Variants in DOK6 observed in about 807,000 individuals in gnomAD.
DOK6 encodes the protein downstream of tyrosine kinase 6.
DOK6 carries 22 observed loss-of-function variants against 44.0 expected under a neutral mutation model. The ratio of observed to expected loss-of-function variants is 0.50; its 90% CI spans 0.36 to 0.71. The LOEUF is 0.71. DOK6 is among the 30% of genes least tolerant of loss of function. The pLI is 0.00. For missense variants in DOK6, 340 were observed against 416.4 expected, an observed-to-expected ratio of 0.82 and a Z score of 1.60; for synonymous variants, 166 against 145.5, an observed-to-expected ratio of 1.14 and a Z score of -1.01.
intron 5 of DOK6, among the ~76,000 whole-genome samples, chr18:69,713,306 G>T (rs1010222518): frequency 2.0e-5 from 3 of 152,198 alleles, no homozygotes; most frequent in African/African-American, 7.2e-5. Context: ...TTAGAAGTAT[G>T]CAGGTAGCTA....
At chr18:69,503,897 G>A (rs923733630) in intron 1 of DOK6, among the ~76,000 whole-genome samples, 1 of 151,956 alleles carries the variant, frequency 6.6e-6, no homozygotes, top group Non-Finnish European at 1.5e-5. Context: ...ATATTCGTAG[G>A]TCTCAAACAT....
intron 7 of DOK6, among the ~76,000 whole-genome samples, chr18:69,792,508 T>C (rs1326432311): frequency 1.3e-5 from 2 of 152,120 alleles, no homozygotes; most frequent in Non-Finnish European, 1.5e-5. Flanking sequence ...CAAATAGAAA[T>C]GCTACTGCTT....
At chr18:69,639,045 G>A (rs1984878515) in intron 3 of DOK6, among the ~76,000 whole-genome samples, 1 of 152,116 alleles carries the variant, frequency 6.6e-6, no homozygotes, top group South Asian at 2.1e-4. Context: ...CTGGTAAATG[G>A]AATTGGGACA....
At chr18:69,733,185 C>T (rs996102794) in intron 5 of DOK6, among the ~76,000 whole-genome samples, 5 of 137,796 alleles carry the variant, frequency 3.6e-5, no homozygotes. Flanking sequence ...GAGACCTTGT[C>T]TCTATGAAAA....
chr18:69,474,765 G>A (rs899901224), intron 1 of DOK6, among the ~76,000 whole-genome samples: 6 of 152,120 alleles, frequency 3.9e-5, no homozygotes, highest in Admixed American at 2.6e-4. Flanking sequence ...TGTATTCAGA[G>A]CTAGAATAAT....
At chr18:69,437,226 TTGCCCA>T (rs1979004788) in intron 1 of DOK6, among the ~76,000 whole-genome samples, 1 of 152,240 alleles carries the variant, frequency 6.6e-6, no homozygotes, top group Admixed American at 6.5e-5. Flanking sequence ...CATGAAGTCT[TTGCCCA>T]TGCCTATGTC....
chr18:69,637,024 A>T lies in DOK6; in HGVS notation c.289+37526A>T, dbSNP rs141658403. On this transcript the variant is annotated intron_variant, in intron 3 of 7. Transcript: ENST00000382713. Reference sequence around the variant, plus strand: ...CTTTGTTTTAGTTCTGAATGGCAGCACCATCTCCCCACCGCCATACCCCTC... The same window carrying T: ...CTTTGTTTTAGTTCTGAATGGCAGCTCCATCTCCCCACCGCCATACCCCTC... Among the ~76,000 whole-genome samples the T allele has an allele frequency of 4.8e-3, 727 of 152,316 alleles. 3 individuals are homozygous for T. Among genetic ancestry groups the T allele is most frequent in the Non-Finnish European group, 6.0e-3 (407 of 68,038 alleles).
intron 7 of DOK6, among the ~76,000 whole-genome samples, chr18:69,806,938 T>G (rs1166875794): frequency 6.6e-6 from 1 of 152,026 alleles, no homozygotes; most frequent in African/African-American, 2.4e-5. Flanking sequence ...GAGATGCTGA[T>G]GAATATATTA....
At chr18:69,726,976 TC>T (rs1459536486) in intron 5 of DOK6, among the ~76,000 whole-genome samples, 1 of 152,080 alleles carries the variant, frequency 6.6e-6, no homozygotes, top group African/African-American at 2.4e-5. Flanking sequence ...CACTTCAGCC[TC>T]CCAAGTAGCT....
intron 7 of DOK6, among the ~76,000 whole-genome samples, chr18:69,822,094 TA>T (rs1318743535): frequency 6.6e-6 from 1 of 152,190 alleles, no homozygotes; most frequent in African/African-American, 2.4e-5. Context: ...CACTATTACA[TA>T]AATTATCTCA....
At chr18:69,779,955 C>T (rs1980209300) in intron 7 of DOK6, among the ~76,000 whole-genome samples, 4 of 151,814 alleles carry the variant, frequency 2.6e-5, no homozygotes, top group Admixed American at 6.6e-5. Flanking sequence ...TCATAGTATC[C>T]TATTTATTGT....
chr18:69,438,389 A>G (rs976538116), intron 1 of DOK6, among the ~76,000 whole-genome samples: 1 of 152,202 alleles, frequency 6.6e-6, no homozygotes, highest in East Asian at 1.9e-4. Flanking sequence ...TTAAAGTTTT[A>G]TCTTGAGATT....
At chr18:69,565,503 GTGTGTGTGTGTGTGTGTGTATATA>G (rs1217093379) in intron 2 of DOK6, among the ~76,000 whole-genome samples, 16 of 24,310 alleles carry the variant, frequency 6.6e-4, no homozygotes, top group African/African-American at 9.5e-4. Flanking sequence ...GTGTGTGTGT[GTGTGTGTGTGTGTGTGTGTATATA>G]TATATACATA....
intron 7 of DOK6, among the ~76,000 whole-genome samples, chr18:69,824,337 T>C (rs1981677356): frequency 7.2e-6 from 1 of 138,460 alleles, no homozygotes; most frequent in Non-Finnish European, 1.6e-5. Flanking sequence ...AGAATGATGG[T>C]TTTTACAAAA....
chr18:69,533,857 G>A lies in DOK6; in HGVS notation c.67-30630G>A, dbSNP rs115417543. 6.9e-3 allele frequency among the ~76,000 whole-genome samples: 1,045 copies of A among 151,936 alleles called. 10 individuals are homozygous for A. The highest frequency in any genetic ancestry group is 0.022 in the African/African-American group (898 of 41,472). On this transcript the variant is annotated intron_variant, in intron 1 of 7. Coordinates refer to ENST00000382713, the MANE Select transcript of DOK6 (RefSeq NM_152721.6). ...GTCATTTATATCATTTGTTCTACTC[G>A]TTTAATTTCATATTTCTTTCTCTAA...
chr18:69,505,745 C>A (rs943297840), intron 1 of DOK6, among the ~76,000 whole-genome samples: 6 of 152,000 alleles, frequency 3.9e-5, no homozygotes, highest in Non-Finnish European at 5.9e-5. Context: ...GATCCACCCA[C>A]CTCAGACTCC....
At chr18:69,408,752 A>G (rs533739876) in intron 1 of DOK6, among the ~76,000 whole-genome samples, 1 of 152,316 alleles carries the variant, frequency 6.6e-6, no homozygotes, top group Admixed American at 6.5e-5. Context: ...CCAGGCATTG[A>G]CAGTACTCAA....
chr18:69,761,887 T>C (rs1388976980), intron 7 of DOK6, among the ~76,000 whole-genome samples: 2 of 152,154 alleles, frequency 1.3e-5, no homozygotes, highest in African/African-American at 2.4e-5. Context: ...CGAATCCATA[T>C]GGGTCCACAG....
intron 1 of DOK6, among the ~76,000 whole-genome samples, chr18:69,555,537 A>G (rs986852715): frequency 2.6e-5 from 4 of 152,214 alleles, no homozygotes; most frequent in African/African-American, 7.2e-5. Context: ...CTTTTGTCAT[A>G]AATCAAATAT....
Sources: gnomAD v4.1 joint callset for allele counts (sites outside exome capture counted in the v4.1 genomes callset) on GRCh38, gnomAD v4.1.1 for gene constraint, MANE v1.5 for transcripts, NCBI Gene and HGNC (gene_info 2026-07-23, HGNC 2026-07-21) for gene names.